The following KIAA1671 variants were observed in gnomAD, a reference collection of about 807,000 sequenced individuals.
KIAA1671 encodes the protein uncharacterized protein KIAA1671.
A neutral mutation model predicts 131.2 loss-of-function variants in KIAA1671; 52 were observed. The observed-to-expected ratio is 0.40, with a 90% confidence interval of 0.32 to 0.50. The LOEUF (loss-of-function observed/expected upper bound fraction) is 0.50, where lower values mean the gene tolerates loss of function less well. KIAA1671 is among the 20% of genes least tolerant of loss of function. The pLI is 0.73. For synonymous variants in KIAA1671, 1,003 were observed against 961.6 expected (o/e 1.04, Z -0.80); for missense variants, 2,360 against 2,364.2 (o/e 1.00, Z 0.04).
intron 7 of KIAA1671, among the ~76,000 whole-genome samples, chr22:25,173,049 C>T (rs748898931): frequency 5.3e-5 from 8 of 152,136 alleles, no homozygotes; most frequent in Non-Finnish European, 1.0e-4. Context: ...CTGGGGAAGC[C>T]TCAGGAAACT....
At chr22:25,152,431 A>G (rs1933075433) in intron 6 of KIAA1671, among the ~76,000 whole-genome samples, 1 of 140,034 alleles carries the variant, frequency 7.1e-6, no homozygotes, top group African/African-American at 2.7e-5. Context: ...ACATGTGTAC[A>G]CACAAACACA....
intron 11 of KIAA1671, among the ~76,000 whole-genome samples, chr22:25,187,649 A>G (rs1601395489): frequency 6.6e-6 from 1 of 152,224 alleles, no homozygotes; most frequent in Middle Eastern, 3.4e-3. Context: ...GGCTGGAACC[A>G]TAGTTGTGTG....
chr22:25,134,088 C>T (rs1601344591), intron 6 of KIAA1671, among the ~76,000 whole-genome samples: 1 of 152,330 alleles, frequency 6.6e-6, no homozygotes, highest in East Asian at 1.9e-4. Context: ...AGCCTGAAGG[C>T]AGAGCTTTGC....
rs1289373267 is a variant in KIAA1671 at position 25,060,569 on chromosome 22, G to A, written c.4530+11205G>A. ...TCACACTCTGGGTATCAGAGGTCTT[G>A]TTATTCACACTTGTTATCTCACTGG... is the stretch of plus-strand genomic sequence containing the variant. On this transcript the variant is annotated intron_variant, in intron 6 of 12. Transcript: ENST00000358431. 11 of 152,338 alleles carry A rather than the reference G, an allele frequency of 7.2e-5. No homozygotes were observed. The South Asian group carries it at 1.2e-3, about 17-fold the overall frequency. 9.4% of individuals were successfully genotyped at this position (152,338 alleles called of 1,614,324 possible).
At position 25,011,067 on chromosome 22, in the gene KIAA1671, C is replaced by T. The variant is rs1925008418; in HGVS notation, c.-207-14566C>T. The T allele has an allele frequency of 2.6e-5, 4 of 152,272 alleles. No individual in the cohort carries two copies. The South Asian group carries it at 8.3e-4, about 32-fold the overall frequency. The allele number at this position is 152,272 out of a possible 1,614,324, so 9.4% of individuals were successfully genotyped here. A position where few individuals can be genotyped will look rare whatever the true frequency, so the allele number is the denominator to read the frequency against. ...TCTTGGCCCACTGCAGCCTTCACCT[C>T]CTGGGTTCAAGTGATTCTCATGCCT... is the stretch of plus-strand genomic sequence containing the variant. On this transcript the variant is annotated intron_variant, in intron 1 of 12. Transcript: ENST00000358431.
intron 3 of KIAA1671, among the ~76,000 whole-genome samples, chr22:25,031,176 G>A (rs1926267198): frequency 2.0e-5 from 3 of 150,192 alleles, no homozygotes; most frequent in Non-Finnish European, 4.4e-5. Context: ...ACAGGCACGC[G>A]CCACCACACC....
At chr22:25,089,740 C>G (rs1929929752) in intron 6 of KIAA1671, among the ~76,000 whole-genome samples, 1 of 152,120 alleles carries the variant, frequency 6.6e-6, no homozygotes, top group Non-Finnish European at 1.5e-5. Flanking sequence ...TTTTTTGAAC[C>G]AGTTGCCTCT....
chr22:24,987,966 A>G (rs1923640745), intron 1 of KIAA1671, among the ~76,000 whole-genome samples: 1 of 152,160 alleles, frequency 6.6e-6, no homozygotes, highest in South Asian at 2.1e-4. Flanking sequence ...CATCTGCAGC[A>G]TCACAGGACT....
intron 6 of KIAA1671, among the ~76,000 whole-genome samples, chr22:25,108,650 C>CTCCATGA: frequency 6.6e-6 from 1 of 152,258 alleles, no homozygotes. Flanking sequence ...TGGAGTAATA[C>CTCCATGA]TTCTGGATAT....
chr22:25,151,455 G>A (rs1241908526), intron 6 of KIAA1671, among the ~76,000 whole-genome samples: 13 of 130,632 alleles, frequency 1.0e-4, no homozygotes, highest in Non-Finnish European at 1.7e-4. Context: ...TTTTTGAGAC[G>A]GAATCTCACT....
intron 5 of KIAA1671, among the ~76,000 whole-genome samples, chr22:25,045,981 G>A (rs1927205692): frequency 6.6e-6 from 1 of 152,026 alleles, no homozygotes; most frequent in Admixed American, 6.6e-5. Context: ...TGGGTATTTG[G>A]GTGGATTTGA....
rs1389356880 is a variant in KIAA1671 at position 25,028,412 on chromosome 22, G to T, written c.413G>T (p.Arg138Leu). 5.8e-5 allele frequency: 90 copies of T among 1,550,888 alleles called. No homozygotes were observed. The highest frequency in any genetic ancestry group is 7.8e-5 in the Non-Finnish European group (89 of 1,146,844). ...CTCTTCAACAAGGCTGTGTTCCTGC[G>T]GCCCAGCTCCAGCACCATGATTCTC... ...SPLFNKAVFL[R>L]PSSSTMILFE... The change falls in exon 3 of 13, where the codon CGG (arginine) becomes CTG (leucine). Residue 138 changes from arginine (R) to leucine (L), a missense_variant. This residue lies in a region of KIAA1671 where 1,185 missense variants were observed against 1,126.2 expected (regional missense o/e 1.05). Transcript: ENST00000358431.
At chr22:25,105,864 C>A (rs1475127838) in intron 6 of KIAA1671, among the ~76,000 whole-genome samples, 1 of 151,710 alleles carries the variant, frequency 6.6e-6, no homozygotes, top group African/African-American at 2.4e-5. Context: ...GCTGTGTGAC[C>A]TTGTGTTGGT....
chr22:24,986,686 C>CCCACCCATCCAT lies in KIAA1671; in HGVS notation c.-208+33918_-208+33929dup, dbSNP rs1379134894. ...ATCCACCCACCCATCCACCCATCCA[C>CCCACCCATCCAT]CCACCCATCCATCCATCCATCCACC... is the stretch of plus-strand genomic sequence containing the variant. On this transcript the variant is annotated intron_variant, in intron 1 of 12. Coordinates refer to ENST00000358431, the MANE Select transcript of KIAA1671 (RefSeq NM_001145206.2). Among the ~76,000 whole-genome samples the CCCACCCATCCAT allele has an allele frequency of 2.3e-4, 31 of 136,290 alleles. 1 individual carries two copies. Among genetic ancestry groups the CCCACCCATCCAT allele is most frequent in the Non-Finnish European group, 2.7e-4 (17 of 62,624 alleles). 89.4% of individuals were successfully genotyped at this position (136,290 alleles called of 152,430 possible).
In KIAA1671 at chr22:25,038,829, G is replaced by C. The variant is rs1168795368; in HGVS notation, c.1699G>C (p.Asp567His). ...RSPWKPGTLRDKSRQTEQKVS... is the reference protein window; with the variant it reads ...RSPWKPGTLRHKSRQTEQKVS... ...CCCCTGGAAGCCTGGGACACTCCGG[G>C]ATAAGTCCAGGCAGACGGAGCAGAA... is the stretch of plus-strand genomic sequence containing the variant. Residue 567 changes from aspartate (D) to histidine (H), a missense_variant, in exon 5 of 13, where the codon GAT becomes CAT. Transcript: ENST00000358431. 6.4e-7 allele frequency: 1 copy of C among 1,551,880 alleles called. No homozygotes were observed. Among genetic ancestry groups the C allele is most frequent in the Non-Finnish European group, 8.7e-7 (1 of 1,147,046 alleles).
chr22:25,112,168 G>C (rs1229150415), intron 6 of KIAA1671: 1 of 397,136 alleles, frequency 2.5e-6, no homozygotes, highest in Admixed American at 4.4e-5. Context: ...CTCTCCTCCT[G>C]GCTGGCCCCA....
chr22:24,968,073 G>T (rs1206964954), intron 1 of KIAA1671, among the ~76,000 whole-genome samples: 1 of 152,164 alleles, frequency 6.6e-6, no homozygotes, highest in Non-Finnish European at 1.5e-5. Context: ...GAGGCGAGGT[G>T]CCTGGTTACT....
At chr22:25,043,421 G>A (rs1173642877) in intron 5 of KIAA1671, among the ~76,000 whole-genome samples, 1 of 152,124 alleles carries the variant, frequency 6.6e-6, no homozygotes, top group Non-Finnish European at 1.5e-5. Context: ...GAAATAACTT[G>A]TCCCAGGTCA....
chr22:25,032,744 A>T, intron 4 of KIAA1671, 48 bp downstream of exon 4: 1 of 1,228,092 alleles, frequency 8.1e-7, no homozygotes, highest in South Asian at 1.4e-5. Context: ...GCGGGCAGTT[A>T]TGGCTGCTGG....
Sources: gnomAD v4.1 joint callset for allele counts (sites outside exome capture counted in the v4.1 genomes callset) on GRCh38, gnomAD v4.1.1 for gene constraint, gnomAD v4.1.1 regional missense constraint, MANE v1.5 for transcripts, NCBI Gene and HGNC (gene_info 2026-07-23, HGNC 2026-07-21) for gene names.